Variants in CIDEA observed in about 807,000 individuals in gnomAD.
CIDEA encodes the protein cell death inducing DFFA like effector a.
Under a neutral mutation model 18.2 loss-of-function variants are expected in CIDEA, and 10 were observed. The ratio of observed to expected loss-of-function variants is 0.55; its 90% CI spans 0.34 to 0.93. The LOEUF is 0.93. CIDEA is among the 40% of genes least tolerant of loss of function. The pLI is 0.02. For synonymous variants in CIDEA, 128 were observed against 124.8 expected (o/e 1.03, Z -0.17); for missense variants, 309 against 293.1 (o/e 1.05, Z -0.40).
At position 12,274,263 on chromosome 18, in the gene CIDEA, G is replaced by A. The variant is rs142980463; in HGVS notation, c.501G>A (p.Lys167=). 13 of 1,614,052 alleles carry A rather than the reference G, an allele frequency of 8.1e-6. No homozygotes were observed. In the Admixed American group the frequency reaches 2.2e-4, roughly 27 times the overall value. Residue 167 remains lysine (K), a synonymous_variant, in exon 4 of 5, where the codon AAG becomes AAA. Transcript: ENST00000320477. ...VSYDIRCTGL[K]GLLRSLLRFL... is the part of the protein sequence containing the mutation. ...ACGACATCCGGTGCACGGGACTCAA[G>A]GGCCTGCTGAGGTAACACACTCCAG...
At chr18:12,254,563 C>CCCGCGCACACGCCCAT in intron 1 of CIDEA, 142 bp downstream of exon 1, 6 of 1,509,726 alleles carry the variant, frequency 4.0e-6, no homozygotes, top group Non-Finnish European at 5.3e-6. Flanking sequence ...GCTCCGCGAC[C>CCCGCGCACACGCCCAT]CCGCGCACAC....
chr18:12,270,894 C>CTTTTTTTTTTTT (rs771335202), intron 3 of CIDEA, among the ~76,000 whole-genome samples: 56 of 59,950 alleles, frequency 9.3e-4, no homozygotes, highest in East Asian at 1.3e-3. Context: ...TTTTTCTTTT[C>CTTTTTTTTTTTT]TTTTTTTTTT....
chr18:12,257,788 A>G (rs1912078737), intron 1 of CIDEA, among the ~76,000 whole-genome samples: 1 of 151,720 alleles, frequency 6.6e-6, no homozygotes, highest in South Asian at 2.1e-4. Context: ...GGCAGTTCTC[A>G]TGTGTGGTGT....
At chr18:12,256,033 T>C (rs1444808951) in intron 1 of CIDEA, among the ~76,000 whole-genome samples, 4 of 152,200 alleles carry the variant, frequency 2.6e-5, no homozygotes, top group African/African-American at 7.2e-5. Context: ...CTGTGAAATC[T>C]ACCTGCTCCC....
At chr18:12,266,048 C>A (rs2144072705) in intron 3 of CIDEA, among the ~76,000 whole-genome samples, 1 of 152,176 alleles carries the variant, frequency 6.6e-6, no homozygotes, top group East Asian at 1.9e-4. Flanking sequence ...AACAGCAAAA[C>A]CCCAATCTCC....
At chr18:12,265,256 C>T (rs1912317956) in intron 3 of CIDEA, among the ~76,000 whole-genome samples, 1 of 152,230 alleles carries the variant, frequency 6.6e-6, no homozygotes, top group Non-Finnish European at 1.5e-5. Flanking sequence ...ATGTAAAGCA[C>T]AATATCAAAA....
At chr18:12,264,677 C>T (rs1179278231) in intron 3 of CIDEA, among the ~76,000 whole-genome samples, 2 of 152,124 alleles carry the variant, frequency 1.3e-5, no homozygotes, top group Non-Finnish European at 2.9e-5. Context: ...CCTCAGCCTC[C>T]GGAGTAGCTG....
chr18:12,259,740 A>G (rs970000232), intron 1 of CIDEA, among the ~76,000 whole-genome samples: 1 of 152,176 alleles, frequency 6.6e-6, no homozygotes, highest in Non-Finnish European at 1.5e-5. Context: ...GGGCGCCTGT[A>G]ACCCCAGCTA....
intron 1 of CIDEA, among the ~76,000 whole-genome samples, chr18:12,258,642 T>C (rs931382676): frequency 1.3e-5 from 2 of 152,224 alleles, no homozygotes; most frequent in African/African-American, 2.4e-5. Context: ...CCGCGTCTTC[T>C]GGCCAGGTGC....
chr18:12,258,277 A>T (rs1912093659), intron 1 of CIDEA, among the ~76,000 whole-genome samples: 1 of 152,216 alleles, frequency 6.6e-6, no homozygotes, highest in South Asian at 2.1e-4. Context: ...GACCGCAGGA[A>T]CCTGGAATTA....
intron 3 of CIDEA, among the ~76,000 whole-genome samples, chr18:12,272,374 G>A (rs971917843): frequency 5.3e-5 from 8 of 152,092 alleles, no homozygotes; most frequent in Non-Finnish European, 1.0e-4. Context: ...CACCATGCCT[G>A]GCTAATTTTT....
rs1377859979 is a variant in CIDEA, at chr18:12,268,327, A to G, written c.330+3874A>G. On this transcript the variant is annotated intron_variant, in intron 3 of 4. Coordinates refer to ENST00000320477, the MANE Select transcript of CIDEA (RefSeq NM_001279.4). ...ACTCCTGACCTCAGGTGATCCACCC[A>G]CCTTGGCCTCCCAAAGTGCTAGGAT... 9.0e-5 allele frequency among the ~76,000 whole-genome samples: 11 copies of G among 122,568 alleles called. No homozygotes were observed. The Admixed American group carries it at 1.0e-3, about 12-fold the overall frequency. The allele number at this position is 122,568 out of a possible 152,430, so 80.4% of individuals were successfully genotyped here.
chr18:12,254,397 G>A lies in CIDEA; in HGVS notation c.14G>A (p.Arg5Gln). 2 of 1,559,902 alleles carry A rather than the reference G, an allele frequency of 1.3e-6. No homozygotes were observed. MEAA[R>Q]DYAGALIRPL... ...GGGATCCGCGCCATGGAGGCCGCCC[G>A]GGACTATGCAGGAGCCCTCATCAGG... is the stretch of plus-strand genomic sequence containing the variant. The change falls in exon 1 of 5, where the codon CGG becomes CAG. Residue 5 changes from arginine (R) to glutamine (Q), a missense_variant. Coordinates refer to ENST00000320477, the MANE Select transcript of CIDEA (RefSeq NM_001279.4).
intron 1 of CIDEA, among the ~76,000 whole-genome samples, chr18:12,259,166 G>C (rs972027119): frequency 6.6e-6 from 1 of 152,164 alleles, no homozygotes; most frequent in Non-Finnish European, 1.5e-5. Context: ...AAACGTGTGC[G>C]GGTCATTCTG....
chr18:12,274,347 C>A, intron 4 of CIDEA, 73 bp downstream of exon 4: 1 of 1,465,092 alleles, frequency 6.8e-7, no homozygotes, highest in Non-Finnish European at 9.5e-7. Flanking sequence ...CAGTCCCCAC[C>A]CTGTTCCTCT....
At chr18:12,271,258 CGGGGTTGGGGT>C (rs1912521660) in intron 3 of CIDEA, among the ~76,000 whole-genome samples, 1 of 141,234 alleles carries the variant, frequency 7.1e-6, no homozygotes, top group African/African-American at 2.6e-5. Context: ...GTTACTGGGG[CGGGGTTGGGGT>C]GGGGTTTGTC....
At chr18:12,275,713 GT>G (rs1286423238) in intron 4 of CIDEA, among the ~76,000 whole-genome samples, 2 of 152,156 alleles carry the variant, frequency 1.3e-5, no homozygotes, top group Non-Finnish European at 2.9e-5. Context: ...CTCACCTGAG[GT>G]GGGCCAGGGT....
intron 1 of CIDEA, chr18:12,254,786 G>C (rs11873135): frequency 0.21 from 287,474 of 1,360,398 alleles, 31,020 homozygotes; most frequent in Admixed American, 0.24. Flanking sequence ...AAGAGGGTCC[G>C]GTCCCAGGAA....
chr18:12,256,090 G>A (rs1290933929), intron 1 of CIDEA, among the ~76,000 whole-genome samples: 1 of 151,752 alleles, frequency 6.6e-6, no homozygotes, highest in East Asian at 1.9e-4. Context: ...TCCCAGGCTG[G>A]ACTACTGTCA....
Sources: allele counts gnomAD v4.1 joint callset (sites outside exome capture counted in the v4.1 genomes callset), GRCh38; gene constraint gnomAD v4.1.1; transcripts MANE v1.5; gene names NCBI Gene and HGNC (gene_info 2026-07-23, HGNC 2026-07-21).